The following SHTN1 variants were observed in gnomAD, a reference collection of about 807,000 sequenced individuals.
SHTN1 encodes shootin 1.
SHTN1 carries 42 observed loss-of-function variants against 83.1 expected under a neutral mutation model. The ratio of observed to expected loss-of-function variants is 0.51; its 90% confidence interval spans 0.39 to 0.65. SHTN1 has a LOEUF of 0.65. Among genes scored for constraint, SHTN1 ranks in the 30% least tolerant of loss-of-function variants. The pLI, the probability that SHTN1 is intolerant of heterozygous loss-of-function variation, is 0.00. For missense variants in SHTN1, 622 were observed against 737.8 expected, an observed-to-expected ratio of 0.84 and a Z score of 1.82; for synonymous variants, 224 against 247.7, an observed-to-expected ratio of 0.90 and a Z score of 0.90.
intron 1 of SHTN1, among the ~76,000 whole-genome samples, chr10:117,066,567 T>C (rs147356565): frequency 6.0e-4 from 92 of 152,298 alleles, no homozygotes; most frequent in African/African-American, 2.0e-3. Context: ...ATAAGGAATG[T>C]GAATAGTTAC....
chr10:116,890,265 G>A (rs1444803448), intron 16 of SHTN1, among the ~76,000 whole-genome samples: 1 of 152,162 alleles, frequency 6.6e-6, no homozygotes, highest in Non-Finnish European at 1.5e-5. Flanking sequence ...TCTCCTGCAT[G>A]CCACAAAATC....
intron 2 of SHTN1, chr10:116,973,757 T>C (rs557053355): frequency 1.4e-6 from 1 of 693,192 alleles, no homozygotes; most frequent in East Asian, 6.8e-5. Flanking sequence ...AGAAGTTTAA[T>C]GCTACACCAT....
intron 15 of SHTN1, among the ~76,000 whole-genome samples, chr10:116,905,593 A>G (rs1232167230): frequency 3.3e-5 from 5 of 152,208 alleles, no homozygotes; most frequent in Admixed American, 2.0e-4. Context: ...TTGTCTGAGT[A>G]AATCTCTCTC....
rs145042888 is a variant in SHTN1 at position 117,040,123 on chromosome 10, T to A, written c.-123+8322A>T. Among the ~76,000 whole-genome samples the A allele has an allele frequency of 5.3e-5, 8 of 152,244 alleles. No individual in the cohort carries two copies. The East Asian group carries it at 1.5e-3, about 29-fold the overall frequency. On this transcript the variant is annotated intron_variant, in intron 2 of 17. Transcript: ENST00000392901. ...TATCCATCCTTCCTAAACTGATCAA[T>A]AGATTGAATACAGCTTAAATCAAAA...
At chr10:116,991,239 G>A (rs1365955579) in intron 1 of SHTN1, among the ~76,000 whole-genome samples, 1 of 152,142 alleles carries the variant, frequency 6.6e-6, no homozygotes, top group Non-Finnish European at 1.5e-5. Flanking sequence ...CATGGTTGTA[G>A]TTTTCGTATT....
intron 1 of SHTN1, among the ~76,000 whole-genome samples, chr10:117,111,100 A>G (rs1052951242): frequency 6.6e-6 from 1 of 151,452 alleles, no homozygotes; most frequent in Non-Finnish European, 1.5e-5. Context: ...CGGGAGGCTG[A>G]GGCAGAAGAA....
intron 2 of SHTN1, among the ~76,000 whole-genome samples, chr10:117,039,014 A>G (rs1852544638): frequency 6.6e-6 from 1 of 152,162 alleles, no homozygotes; most frequent in South Asian, 2.1e-4. Context: ...AGAGTTAAAA[A>G]CTTGTATCCC....
chr10:117,061,837 C>A (rs1284635840), intron 1 of SHTN1, among the ~76,000 whole-genome samples: 1 of 152,162 alleles, frequency 6.6e-6, no homozygotes, highest in Non-Finnish European at 1.5e-5. Context: ...TCAGCACCAA[C>A]CAATTGGCCT....
intron 1 of SHTN1, among the ~76,000 whole-genome samples, chr10:117,079,784 C>A (rs1264103137): frequency 4.9e-5 from 7 of 143,268 alleles, no homozygotes; most frequent in African/African-American, 1.8e-4. Context: ...TCTCTGATGG[C>A]CAGTGATGAT....
At chr10:116,959,648 C>CA (rs1850108720) in intron 4 of SHTN1, among the ~76,000 whole-genome samples, 1 of 152,162 alleles carries the variant, frequency 6.6e-6, no homozygotes, top group Admixed American at 6.5e-5. Context: ...CAGCAAGAGG[C>CA]AATCAGTGGA....
intron 2 of SHTN1, among the ~76,000 whole-genome samples, chr10:117,030,404 T>G (rs1852397104): frequency 2.0e-5 from 3 of 152,066 alleles, no homozygotes; most frequent in Admixed American, 2.0e-4. Context: ...AAGCCCAGAT[T>G]GAGAAGACTA....
At chr10:116,940,764 G>T (rs1315964141) in intron 8 of SHTN1, 152 bp from the exon 9 acceptor site, 1 of 538,784 alleles carries the variant, frequency 1.9e-6, no homozygotes, top group Admixed American at 3.7e-5. Context: ...TGATTGCTAT[G>T]ATTTCATTCC....
chr10:116,996,814 A>T (rs113760946), intron 1 of SHTN1, among the ~76,000 whole-genome samples: 1 of 152,204 alleles, frequency 6.6e-6, no homozygotes, highest in Non-Finnish European at 1.5e-5. Flanking sequence ...CAATATACTT[A>T]AATCTGTTCT....
chr10:117,122,605 T>A (rs1284372450), intron 1 of SHTN1, among the ~76,000 whole-genome samples: 1 of 152,184 alleles, frequency 6.6e-6, no homozygotes, highest in Non-Finnish European at 1.5e-5. Flanking sequence ...TCACATCTCT[T>A]AGGACAATAC....
chr10:116,979,424 G>C (rs963708340), intron 1 of SHTN1, 116 bp from the exon 2 acceptor site: 8 of 783,902 alleles, frequency 1.0e-5, no homozygotes, highest in South Asian at 6.0e-5. Context: ...GGGTGGAGAA[G>C]AGGCTGCAGA....
chr10:116,893,576 GCA>G (rs6144113), intron 16 of SHTN1, among the ~76,000 whole-genome samples: 2 of 123,522 alleles, frequency 1.6e-5, no homozygotes, highest in Non-Finnish European at 3.3e-5. Flanking sequence ...GCACTCATGT[GCA>G]CACACACACA....
chr10:116,971,840 T>C (rs761462288), intron 2 of SHTN1, among the ~76,000 whole-genome samples: 1 of 152,214 alleles, frequency 6.6e-6, no homozygotes, highest in African/African-American at 2.4e-5. Context: ...GTTCCCTCTA[T>C]GTAGCTCTCG....
intron 1 of SHTN1, among the ~76,000 whole-genome samples, chr10:117,120,279 G>C (rs1403198626): frequency 7.0e-6 from 1 of 141,860 alleles, no homozygotes; most frequent in Non-Finnish European, 1.5e-5. Flanking sequence ...ACTGAGTCTC[G>C]CTCTGTTGCC....
intron 1 of SHTN1, among the ~76,000 whole-genome samples, chr10:117,060,779 G>A (rs987794356): frequency 4.6e-5 from 7 of 152,146 alleles, no homozygotes; most frequent in African/African-American, 1.7e-4. Context: ...TAGCCTAATA[G>A]TTCATTCAGG....
Sources: allele counts gnomAD v4.1 joint callset (sites outside exome capture counted in the v4.1 genomes callset), GRCh38; gene constraint gnomAD v4.1.1; transcripts MANE v1.5; gene names NCBI Gene and HGNC (gene_info 2026-07-23, HGNC 2026-07-21).